MYLK4: variants seen among roughly 807,000 people sequenced by gnomAD.
MYLK4 encodes caMLCK like.
MYLK4 carries 46 observed loss-of-function variants against 48.1 expected under a neutral mutation model. The observed-to-expected ratio is 0.96, with a 90% confidence interval of 0.75 to 1.22. The LOEUF (loss-of-function observed/expected upper bound fraction) is 1.22. Among genes scored for constraint, MYLK4 ranks in the 50% most tolerant of loss-of-function variants. The probability of loss-of-function intolerance (pLI) is 0.00; values close to 1 mark genes in which losing one functional copy is unlikely to be tolerated. For missense variants in MYLK4, 451 were observed against 486.1 expected, an observed-to-expected ratio of 0.93 and a Z score of 0.68; for synonymous variants, 170 against 180.8, an observed-to-expected ratio of 0.94 and a Z score of 0.48.
intron 2 of MYLK4, among the ~76,000 whole-genome samples, chr6:2,727,499 G>A (rs888755667): frequency 4.6e-5 from 7 of 152,130 alleles, no homozygotes; most frequent in Admixed American, 2.0e-4. Context: ...AAAGACAGCC[G>A]CTCTTCATAG....
chr6:2,717,870 T>A (rs990732197), intron 2 of MYLK4, among the ~76,000 whole-genome samples: 1 of 152,128 alleles, frequency 6.6e-6, no homozygotes, highest in Non-Finnish European at 1.5e-5. Flanking sequence ...AGAATCATTG[T>A]GTGAGAGATA....
At chr6:2,763,832 C>T in the MYLK4 span, among the ~76,000 whole-genome samples, 9,342 of 148,316 alleles carry the variant, frequency 0.063, 404 homozygotes, top group Non-Finnish European at 0.093. Context: ...TCACCTCTCA[C>T]TGCTGAGGGA....
At chr6:2,766,034 G>A in the MYLK4 span, 8 of 1,305,854 alleles carry the variant, frequency 6.1e-6, no homozygotes, top group South Asian at 2.2e-5. Flanking sequence ...CGGGAGGAAG[G>A]GGTCGGGGAA....
intron 2 of MYLK4, among the ~76,000 whole-genome samples, chr6:2,702,279 C>T (rs140360100): frequency 4.6e-5 from 7 of 152,182 alleles, no homozygotes; most frequent in African/African-American, 1.7e-4. Flanking sequence ...GGATGAAAAC[C>T]AAGGCAAACC....
the MYLK4 span, among the ~76,000 whole-genome samples, chr6:2,762,318 C>A: frequency 6.6e-6 from 1 of 152,174 alleles, no homozygotes; most frequent in Non-Finnish European, 1.5e-5. Context: ...ACTCTACTGT[C>A]TAATCTTGAA....
the MYLK4 span, among the ~76,000 whole-genome samples, chr6:2,762,018 TCTC>T: frequency 1.3e-5 from 2 of 152,168 alleles, no homozygotes; most frequent in East Asian, 3.9e-4. Flanking sequence ...TTCAAGTAAT[TCTC>T]CTGCCTCAGC....
the MYLK4 span, chr6:2,766,041 G>A: frequency 1.5e-6 from 2 of 1,301,248 alleles, no homozygotes; most frequent in African/African-American, 1.5e-5. Context: ...AAGGGGTCGG[G>A]GAAGAGGCCG....
chr6:2,690,703 TAAC>T (rs1378836094), intron 3 of MYLK4, among the ~76,000 whole-genome samples: 1 of 151,956 alleles, frequency 6.6e-6, no homozygotes, highest in Non-Finnish European at 1.5e-5. Flanking sequence ...CACTGGAACT[TAAC>T]AAAAGCCGTC....
At chr6:2,707,968 C>T (rs1346810822) in intron 2 of MYLK4, among the ~76,000 whole-genome samples, 5 of 152,088 alleles carry the variant, frequency 3.3e-5, no homozygotes, top group Non-Finnish European at 5.9e-5. Context: ...CCCATCAATA[C>T]TCATTTAACC....
intron 2 of MYLK4, among the ~76,000 whole-genome samples, chr6:2,742,433 G>A (rs1427915273): frequency 6.6e-6 from 1 of 151,690 alleles, no homozygotes; most frequent in Non-Finnish European, 1.5e-5. Flanking sequence ...GTTTACTGTG[G>A]CACTATTCAC....
intron 4 of MYLK4, among the ~76,000 whole-genome samples, chr6:2,686,044 GGCGACAGT>G (rs1341871233): frequency 6.7e-6 from 1 of 149,574 alleles, no homozygotes; most frequent in Non-Finnish European, 1.5e-5. Flanking sequence ...CTCCAGCCTG[GGCGACAGT>G]GCAAGAATCC....
intron 2 of MYLK4, among the ~76,000 whole-genome samples, chr6:2,727,723 C>T (rs1210219811): frequency 3.3e-5 from 5 of 151,956 alleles, no homozygotes; most frequent in African/African-American, 7.3e-5. Context: ...CCGAGGTGGG[C>T]GGATCACGAG....
intron 2 of MYLK4, among the ~76,000 whole-genome samples, chr6:2,695,283 T>C (rs185756643): frequency 9.2e-5 from 14 of 152,236 alleles, no homozygotes; most frequent in Non-Finnish European, 2.1e-4. Context: ...TGCAATGATA[T>C]AAGCATACGT....
chr6:2,669,662 G>C (rs7772107), intron 12 of MYLK4, among the ~76,000 whole-genome samples: 53,797 of 152,016 alleles, frequency 0.35, 9,899 homozygotes, highest in Non-Finnish European at 0.41. Flanking sequence ...TCCAGGAACT[G>C]ACGGTGCAGG....
chr6:2,690,295 T>C (rs1332749787), intron 3 of MYLK4, among the ~76,000 whole-genome samples: 1 of 145,854 alleles, frequency 6.9e-6, no homozygotes, highest in Non-Finnish European at 1.5e-5. Flanking sequence ...CTGCGCCTTT[T>C]GCTGTCCTCG....
At chr6:2,769,970 A>G in the MYLK4 span, 3 of 1,120,240 alleles carry the variant, frequency 2.7e-6, no homozygotes, top group Non-Finnish European at 2.5e-6. Context: ...CAAATATTGC[A>G]TCTATATTCA....
intron 12 of MYLK4, among the ~76,000 whole-genome samples, chr6:2,668,104 A>G (rs1205797064): frequency 1.5e-5 from 2 of 130,820 alleles, no homozygotes; most frequent in African/African-American, 5.4e-5. Flanking sequence ...TTTGTGCAAG[A>G]CATTTTTTTT....
intron 2 of MYLK4, among the ~76,000 whole-genome samples, chr6:2,726,203 G>C (rs541731488): frequency 6.6e-6 from 1 of 152,292 alleles, no homozygotes; most frequent in South Asian, 2.1e-4. Flanking sequence ...TGTTATTAAA[G>C]TCCAAAGATT....
intron 2 of MYLK4, among the ~76,000 whole-genome samples, chr6:2,707,448 A>C (rs1182142364): frequency 2.4e-4 from 36 of 152,182 alleles, no homozygotes; most frequent in Admixed American, 2.4e-3. Context: ...CACACAACTT[A>C]CTACAGCAAC....
Sources: allele counts gnomAD v4.1 joint callset (sites outside exome capture counted in the v4.1 genomes callset), GRCh38; gene constraint gnomAD v4.1.1; transcripts MANE v1.5; gene names NCBI Gene and HGNC (gene_info 2026-07-23, HGNC 2026-07-21).